Variants in RBMS3 observed in about 807,000 individuals in gnomAD.
The protein encoded by RBMS3 is RNA binding motif single stranded interacting protein 3.
RBMS3 carries 27 observed loss-of-function variants against 66.8 expected under a neutral mutation model. That is an observed-to-expected ratio of 0.40 (90% confidence interval 0.30 to 0.56). RBMS3 has a LOEUF of 0.56. RBMS3 is among the 20% of genes least tolerant of loss of function. The pLI is 0.40. For synonymous variants in RBMS3, 188 were observed against 183.0 expected (o/e 1.03, Z -0.22); for missense variants, 513 against 549.5 (o/e 0.93, Z 0.66).
In RBMS3 at chr3:29,880,695, G is replaced by A. The variant is rs974109926; in HGVS notation, c.745-3467G>A. 18 of 1,287,034 alleles carry A rather than the reference G, an allele frequency of 1.4e-5. No individual in the cohort carries two copies. The African/African-American group carries it at 2.2e-4, about 16-fold the overall frequency. 79.7% of individuals were successfully genotyped at this position (1,287,034 alleles called of 1,614,324 possible). A position where few individuals can be genotyped will look rare whatever the true frequency, so the allele number is the denominator to read the frequency against. ...ATGGGTTAAGTTCAAACAACCCTTTGCTTAACCCATGCCATGTTGTTACCC... is the reference window on the plus strand; with the variant it reads ...ATGGGTTAAGTTCAAACAACCCTTTACTTAACCCATGCCATGTTGTTACCC... On this transcript the variant is annotated intron_variant, in intron 7 of 14. Coordinates refer to ENST00000383767, the MANE Select transcript of RBMS3 (RefSeq NM_001003793.3).
chr3:29,882,652 G>A (rs1209758496), intron 7 of RBMS3, among the ~76,000 whole-genome samples: 1 of 151,964 alleles, frequency 6.6e-6, no homozygotes, highest in African/African-American at 2.4e-5. Context: ...TGCAATCTAA[G>A]CTTGAAAGCA....
chr3:29,414,043 G>C (rs2040379617), intron 1 of RBMS3, among the ~76,000 whole-genome samples: 1 of 152,072 alleles, frequency 6.6e-6, no homozygotes, highest in Non-Finnish European at 1.5e-5. Flanking sequence ...GTCCATTTTG[G>C]GATATCATTT....
intron 7 of RBMS3, among the ~76,000 whole-genome samples, chr3:29,880,160 G>T (rs2059702318): frequency 6.6e-6 from 1 of 152,128 alleles, no homozygotes; most frequent in Admixed American, 6.5e-5. Context: ...CTGTCTGGAA[G>T]ATCTAAAGTG....
chr3:29,616,382 A>C (rs1214878862), intron 4 of RBMS3: 3 of 152,594 alleles, frequency 2.0e-5, no homozygotes, highest in African/African-American at 7.2e-5. Flanking sequence ...GCTACTCGGG[A>C]GGCTGAGGCA....
At chr3:29,664,239 C>T (rs1482242926) in intron 4 of RBMS3, among the ~76,000 whole-genome samples, 2 of 152,088 alleles carry the variant, frequency 1.3e-5, no homozygotes, top group Non-Finnish European at 2.9e-5. Flanking sequence ...CTTGTAATCC[C>T]AACACTTTTG....
chr3:29,690,586 G>A (rs2051960015), intron 4 of RBMS3, among the ~76,000 whole-genome samples: 1 of 152,196 alleles, frequency 6.6e-6, no homozygotes, highest in Admixed American at 6.5e-5. Flanking sequence ...AGTTTTGACA[G>A]TATTCAAGTG....
At chr3:29,374,047 C>T (rs1285212163) in intron 1 of RBMS3, among the ~76,000 whole-genome samples, 1 of 152,106 alleles carries the variant, frequency 6.6e-6, no homozygotes, top group African/African-American at 2.4e-5. Context: ...AGAGAGTTTA[C>T]TGTGAGGGCT....
intron 12 of RBMS3, among the ~76,000 whole-genome samples, chr3:29,983,924 T>G (rs1698185143): frequency 6.6e-6 from 1 of 152,136 alleles, no homozygotes; most frequent in South Asian, 2.1e-4. Flanking sequence ...TATTGTGGTG[T>G]TCTCTGTATT....
chr3:29,521,029 C>T (rs563949031), intron 3 of RBMS3, among the ~76,000 whole-genome samples: 16 of 152,200 alleles, frequency 1.1e-4, no homozygotes, highest in African/African-American at 3.9e-4. Flanking sequence ...AGAGGCCCTC[C>T]TCTGACTTAT....
intron 2 of RBMS3, among the ~76,000 whole-genome samples, chr3:29,444,586 G>T (rs1305617149): frequency 6.6e-6 from 1 of 151,864 alleles, no homozygotes; most frequent in Non-Finnish European, 1.5e-5. Context: ...AGTATTTAAA[G>T]AAAACAGAAT....
At chr3:29,560,700 G>A (rs1174673961) in intron 3 of RBMS3, among the ~76,000 whole-genome samples, 1 of 152,206 alleles carries the variant, frequency 6.6e-6, no homozygotes, top group Non-Finnish European at 1.5e-5. Context: ...TGAAATTAAA[G>A]ATGGTCATTT....
intron 1 of RBMS3, among the ~76,000 whole-genome samples, chr3:29,421,828 A>T (rs79169468): frequency 0.11 from 16,115 of 151,952 alleles, 1,179 homozygotes; most frequent in East Asian, 0.29. Flanking sequence ...TCATTCTGAC[A>T]AGCATCAATG....
chr3:29,853,564 CCT>C (rs2058995335), intron 6 of RBMS3, among the ~76,000 whole-genome samples: 1 of 151,778 alleles, frequency 6.6e-6, no homozygotes, highest in Non-Finnish European at 1.5e-5. Flanking sequence ...TGTCCCTCCC[CCT>C]GTGCTCTCAG....
chr3:29,923,017 A>G (rs2149660653), intron 10 of RBMS3, among the ~76,000 whole-genome samples: 1 of 152,324 alleles, frequency 6.6e-6, no homozygotes, highest in South Asian at 2.1e-4. Context: ...ATGCCCACAG[A>G]TGCTATTGCT....
At chr3:29,816,594 A>T (rs2057911036) in intron 6 of RBMS3, among the ~76,000 whole-genome samples, 1 of 152,158 alleles carries the variant, frequency 6.6e-6, no homozygotes, top group Non-Finnish European at 1.5e-5. Context: ...CCAAGCCCAG[A>T]AATCAAAGGT....
chr3:29,726,513 C>T (rs779895326), intron 4 of RBMS3, among the ~76,000 whole-genome samples: 1 of 152,030 alleles, frequency 6.6e-6, no homozygotes, highest in Non-Finnish European at 1.5e-5. Flanking sequence ...GAGCAAAGTC[C>T]CAGGATGCAA....
chr3:29,702,014 G>A (rs1236319068), intron 4 of RBMS3, among the ~76,000 whole-genome samples: 1 of 152,198 alleles, frequency 6.6e-6, no homozygotes, highest in Non-Finnish European at 1.5e-5. Flanking sequence ...GAGTCCAGTG[G>A]GGACTTGGAG....
intron 1 of RBMS3, among the ~76,000 whole-genome samples, chr3:29,387,358 A>T (rs557341922): frequency 1.3e-5 from 2 of 152,098 alleles, no homozygotes; most frequent in Non-Finnish European, 2.9e-5. Flanking sequence ...AGAAAAAACA[A>T]CTCCATCCTT....
chr3:29,835,886 A>G (rs1319749029), intron 6 of RBMS3, among the ~76,000 whole-genome samples: 3 of 151,896 alleles, frequency 2.0e-5, no homozygotes, highest in Non-Finnish European at 4.4e-5. Context: ...TCACTACACT[A>G]AGGAAAAAAA....
Sources: allele counts gnomAD v4.1 joint callset (sites outside exome capture counted in the v4.1 genomes callset), GRCh38; gene constraint gnomAD v4.1.1; transcripts MANE v1.5; gene names NCBI Gene and HGNC (gene_info 2026-07-23, HGNC 2026-07-21).